The following SPOCK1 variants were observed in gnomAD, a reference collection of about 807,000 sequenced individuals.
The protein encoded by SPOCK1 is testican-1.
In SPOCK1, 23 loss-of-function variants were observed where a neutral mutation model predicts 55.3. The ratio of observed to expected loss-of-function variants is 0.42; its 90% CI spans 0.30 to 0.59. The LOEUF is 0.59. Among genes scored for constraint, SPOCK1 ranks in the 20% least tolerant of loss-of-function variants. The pLI, the probability that SPOCK1 is intolerant of heterozygous loss-of-function variation, is 0.22. For missense variants in SPOCK1, 499 were observed against 552.5 expected (o/e 0.90, Z 0.97); for synonymous variants, 226 against 221.0 (o/e 1.02, Z -0.20).
chr5:137,368,555 C>G (rs1751125450), intron 2 of SPOCK1, among the ~76,000 whole-genome samples: 1 of 152,180 alleles, frequency 6.6e-6, no homozygotes, highest in South Asian at 2.1e-4. Context: ...GGCTAGAGGA[C>G]AGTGTGCATG....
intron 5 of SPOCK1, among the ~76,000 whole-genome samples, chr5:137,088,719 G>T (rs1289321208): frequency 6.6e-6 from 1 of 152,070 alleles, no homozygotes; most frequent in Non-Finnish European, 1.5e-5. Context: ...ATCAACAAAT[G>T]GATCAATTAG....
At chr5:137,427,611 C>T (rs1164356149) in intron 2 of SPOCK1, among the ~76,000 whole-genome samples, 8 of 152,034 alleles carry the variant, frequency 5.3e-5, no homozygotes, top group Admixed American at 3.9e-4. Context: ...CTTGTCTTAC[C>T]GTAAAAGGCA....
Position 137,498,486 on chromosome 5 carries a change from C to A in SPOCK1, c.73G>T (p.Asp25Tyr). ...CFLQVESRHL[D>Y]ALAGGAGPNH... is the part of the protein sequence containing the mutation. ...GGGCCCGCGCCTCCGGCGAGCGCGT[C>A]CAGGTGCCGGCTCTCGACTTGGAGG... Residue 25 changes from aspartate (D) to tyrosine (Y), a missense_variant, in exon 2 of 11, where the codon GAC (aspartate) becomes TAC (tyrosine). By Grantham distance (160) the Asp-to-Tyr change is radical (BLOSUM62 -3). Around this residue, in one of 3 missense-constraint regions of SPOCK1, gnomAD observed 386 missense variants for 400.6 expected, o/e 0.96. Coordinates refer to ENST00000394945, the MANE Select transcript of SPOCK1 (RefSeq NM_004598.4). The A allele has an allele frequency of 6.3e-7, 1 of 1,596,330 alleles. No individual in the cohort carries two copies. The highest frequency in any genetic ancestry group is 8.5e-7 in the Non-Finnish European group (1 of 1,174,124).
At chr5:137,151,783 T>C (rs1359792995) in intron 3 of SPOCK1, among the ~76,000 whole-genome samples, 2 of 152,190 alleles carry the variant, frequency 1.3e-5, no homozygotes, top group African/African-American at 4.8e-5. Flanking sequence ...TTGAGAGCCT[T>C]GTAAGTGCCA....
chr5:137,106,556 A>G (rs1340333845), intron 5 of SPOCK1, among the ~76,000 whole-genome samples: 5 of 152,080 alleles, frequency 3.3e-5, no homozygotes, highest in Middle Eastern at 3.4e-3. Context: ...TGAAATTCGA[A>G]TCATTGCTAA....
At chr5:137,306,470 A>T (rs1757702727) in intron 2 of SPOCK1, among the ~76,000 whole-genome samples, 2 of 152,168 alleles carry the variant, frequency 1.3e-5, no homozygotes, top group Non-Finnish European at 2.9e-5. Context: ...TGAGCAGGGG[A>T]CATCTGTGTA....
chr5:137,415,791 T>C lies in SPOCK1; in HGVS notation c.186+82582A>G, dbSNP rs1218815546. 3.9e-5 allele frequency among the ~76,000 whole-genome samples: 6 copies of C among 152,224 alleles called. No individual in the cohort carries two copies. The South Asian group carries it at 6.2e-4, about 16-fold the overall frequency. On this transcript the variant is annotated intron_variant, in intron 2 of 10. Transcript: ENST00000394945. ...CTTTTGCTGATCTATATCCACTTAC[T>C]TACCTGCTAACTTAATTGAATGAAA...
intron 3 of SPOCK1, among the ~76,000 whole-genome samples, chr5:137,216,399 C>A (rs1224427941): frequency 6.6e-6 from 1 of 152,206 alleles, no homozygotes; most frequent in African/African-American, 2.4e-5. Flanking sequence ...TATAATATAG[C>A]AATGTTTCTT....
At chr5:137,160,356 A>C in intron 3 of SPOCK1, among the ~76,000 whole-genome samples, 1 of 131,490 alleles carries the variant, frequency 7.6e-6, no homozygotes, top group African/African-American at 2.8e-5. Context: ...TATATTATAT[A>C]AATATATAAA....
intron 3 of SPOCK1, among the ~76,000 whole-genome samples, chr5:137,264,195 A>C (rs556404369): frequency 6.6e-6 from 1 of 152,220 alleles, no homozygotes; most frequent in South Asian, 2.1e-4. Context: ...AAGTTACCCA[A>C]GAGTCCTAGA....
intron 2 of SPOCK1, among the ~76,000 whole-genome samples, chr5:137,401,887 T>G (rs1004489609): frequency 6.6e-6 from 1 of 152,150 alleles, no homozygotes; most frequent in African/African-American, 2.4e-5. Context: ...CACCCACCTC[T>G]CCTTGGGTCC....
At chr5:137,005,509 C>T (rs1751230383) in intron 6 of SPOCK1, among the ~76,000 whole-genome samples, 2 of 152,050 alleles carry the variant, frequency 1.3e-5, no homozygotes, top group South Asian at 2.1e-4. Flanking sequence ...ATGAAACAAT[C>T]ACCTTTGTAA....
chr5:137,305,925 A>G (rs1036590933), intron 2 of SPOCK1, among the ~76,000 whole-genome samples: 1 of 152,252 alleles, frequency 6.6e-6, no homozygotes, highest in African/African-American at 2.4e-5. Flanking sequence ...TTTAACAACA[A>G]TTAGTTAAGA....
intron 6 of SPOCK1, among the ~76,000 whole-genome samples, chr5:137,029,592 G>A (rs1196817264): frequency 1.3e-5 from 2 of 152,188 alleles, no homozygotes; most frequent in Non-Finnish European, 1.5e-5. Flanking sequence ...GTCCTCACAC[G>A]TGCAACTCCA....
chr5:137,108,353 A>C (rs1041630153), intron 5 of SPOCK1, among the ~76,000 whole-genome samples: 13 of 152,184 alleles, frequency 8.5e-5, no homozygotes, highest in Non-Finnish European at 1.8e-4. Context: ...GCTTCAGATT[A>C]AGTAATATTT....
chr5:137,328,601 G>T (rs1758118056), intron 2 of SPOCK1, among the ~76,000 whole-genome samples: 1 of 152,164 alleles, frequency 6.6e-6, no homozygotes, highest in Admixed American at 6.5e-5. Flanking sequence ...TCTAACAGCA[G>T]CCAGTGTGCT....
At chr5:137,028,080 A>G (rs1307089671) in intron 6 of SPOCK1, among the ~76,000 whole-genome samples, 1 of 152,086 alleles carries the variant, frequency 6.6e-6, no homozygotes, top group African/African-American at 2.4e-5. Context: ...GGGTACCCAC[A>G]CCTCTTGTGC....
At chr5:137,308,554 G>C (rs755621408) in intron 2 of SPOCK1, among the ~76,000 whole-genome samples, 1 of 152,154 alleles carries the variant, frequency 6.6e-6, no homozygotes, top group Non-Finnish European at 1.5e-5. Flanking sequence ...GCATATCTGC[G>C]GTTCCAGCTC....
intron 2 of SPOCK1, among the ~76,000 whole-genome samples, chr5:137,462,842 A>G (rs1753517720): frequency 6.6e-6 from 1 of 152,230 alleles, no homozygotes; most frequent in Non-Finnish European, 1.5e-5. Context: ...GAGATGAACA[A>G]AGAGCCAAAT....
Sources: allele counts gnomAD v4.1 joint callset (sites outside exome capture counted in the v4.1 genomes callset), GRCh38; gene constraint gnomAD v4.1.1; regional missense constraint gnomAD v4.1.1; transcripts MANE v1.5; gene names NCBI Gene and HGNC (gene_info 2026-07-23, HGNC 2026-07-21).